The following ITGA8 variants were observed in gnomAD, a reference collection of about 807,000 sequenced individuals.
The protein encoded by ITGA8 is integrin alpha-8.
Under a neutral mutation model 142.3 loss-of-function variants are expected in ITGA8, and 91 were observed. That is an observed-to-expected ratio of 0.64 (90% CI 0.54 to 0.76). The LOEUF (loss-of-function observed/expected upper bound fraction) is 0.76. Ranked by LOEUF, ITGA8 falls within the 30% of genes least tolerant of loss-of-function variation. ITGA8 has a pLI of 0.00. For missense variants in ITGA8, 1,406 were observed against 1,327.7 expected, an observed-to-expected ratio of 1.06 and a Z score of -0.92; for synonymous variants, 505 against 485.2, an observed-to-expected ratio of 1.04 and a Z score of -0.54.
At chr10:15,666,047 C>T (rs1834385645) in intron 8 of ITGA8, among the ~76,000 whole-genome samples, 1 of 152,156 alleles carries the variant, frequency 6.6e-6, no homozygotes, top group Non-Finnish European at 1.5e-5. Flanking sequence ...TTTTCCAATT[C>T]TGTGAAGAAA....
At chr10:15,637,513 T>G (rs897604521) in intron 13 of ITGA8, among the ~76,000 whole-genome samples, 1 of 143,464 alleles carries the variant, frequency 7.0e-6, no homozygotes, top group Non-Finnish European at 1.6e-5. Flanking sequence ...AATTTTTTTT[T>G]TTTTTTTTTG....
chr10:15,682,189 A>G lies in ITGA8; in HGVS notation c.568+1815T>C, dbSNP rs142912231. 5.2e-3 allele frequency among the ~76,000 whole-genome samples: 799 copies of G among 152,218 alleles called. 13 individuals are homozygous for G. The highest frequency in any genetic ancestry group is 0.019 in the African/African-American group (774 of 41,526). On this transcript the variant is annotated intron_variant, in intron 4 of 29. Transcript: ENST00000378076. ...TTCTCGTCTTGCTGTATTTTTTTGT[A>G]GCACTTTTCACTGCCTGACATTGCA...
intron 23 of ITGA8, among the ~76,000 whole-genome samples, chr10:15,583,306 T>A (rs989498928): frequency 6.6e-6 from 1 of 151,826 alleles, no homozygotes; most frequent in South Asian, 2.1e-4. Flanking sequence ...AAGTGGGAGT[T>A]GAACAATGAG....
intron 2 of ITGA8, among the ~76,000 whole-genome samples, chr10:15,710,262 C>A (rs1236167838): frequency 6.6e-6 from 1 of 151,866 alleles, no homozygotes; most frequent in Non-Finnish European, 1.5e-5. Flanking sequence ...TTTTATTTAC[C>A]ACTGAAACAC....
intron 20 of ITGA8, among the ~76,000 whole-genome samples, chr10:15,597,821 G>A (rs910945966): frequency 6.6e-6 from 1 of 152,326 alleles, no homozygotes; most frequent in South Asian, 2.1e-4. Context: ...CAGATGTAAA[G>A]AGAATACCTT....
chr10:15,647,859 A>G (rs1168026202), intron 11 of ITGA8, among the ~76,000 whole-genome samples: 1 of 152,232 alleles, frequency 6.6e-6, no homozygotes, highest in Non-Finnish European at 1.5e-5. Context: ...TTAGAGAGGT[A>G]TATCAAGCTG....
chr10:15,597,158 T>G, intron 21 of ITGA8, 49 bp downstream of exon 21: 1 of 1,429,880 alleles, frequency 7.0e-7, no homozygotes. Context: ...TTGTTCCCTG[T>G]GAAGTCCAGT....
rs147926217 is a variant in ITGA8 at position 15,699,988 on chromosome 10, A to C, written c.344-11950T>G. Among the ~76,000 whole-genome samples, 171 of 152,062 alleles carry C rather than the reference A, an allele frequency of 1.1e-3. 2 individuals are homozygous for C. The highest frequency in any genetic ancestry group is 2.9e-3 in the Admixed American group (44 of 15,280). ...AAGTGCCAGTTTATATTCTTTGCTC[A>C]TTCTCTTGTTTAGTTATTAGTTTCA... On this transcript the variant is annotated intron_variant, in intron 2 of 29. Coordinates refer to ENST00000378076, the MANE Select transcript of ITGA8 (RefSeq NM_003638.3).
chr10:15,691,749 T>C (rs72781821), intron 2 of ITGA8, among the ~76,000 whole-genome samples: 15,812 of 152,076 alleles, frequency 0.1, 896 homozygotes, highest in East Asian at 0.18. Flanking sequence ...AAAGTTTCAG[T>C]TGGGATGAGT....
At chr10:15,671,680 A>G in intron 7 of ITGA8, 33 bp from the exon 8 acceptor site, 1 of 1,536,712 alleles carries the variant, frequency 6.5e-7, no homozygotes, top group South Asian at 1.1e-5. Flanking sequence ...AACTAATCAC[A>G]CTTAATGACT....
intron 21 of ITGA8, among the ~76,000 whole-genome samples, chr10:15,594,193 TC>T (rs1832975837): frequency 2.0e-5 from 3 of 152,016 alleles, no homozygotes; most frequent in African/African-American, 7.3e-5. Flanking sequence ...GGCTCTTCTC[TC>T]CTTTTTAGAA....
chr10:15,640,763 C>T (rs1290204240), intron 13 of ITGA8, among the ~76,000 whole-genome samples: 1 of 152,156 alleles, frequency 6.6e-6, no homozygotes, highest in East Asian at 1.9e-4. Flanking sequence ...TGTCTGAGTC[C>T]TAACAGTGGC....
chr10:15,634,644 A>G (rs1012556145), intron 13 of ITGA8, among the ~76,000 whole-genome samples: 1 of 152,190 alleles, frequency 6.6e-6, no homozygotes, highest in African/African-American at 2.4e-5. Flanking sequence ...ATGGATAACA[A>G]TCTCTTGAAT....
intron 24 of ITGA8, 49 bp downstream of exon 24, chr10:15,575,440 G>C (rs781526873): frequency 8.2e-7 from 1 of 1,225,032 alleles, no homozygotes; most frequent in Non-Finnish European, 1.2e-6. Flanking sequence ...TATTTGCACA[G>C]AGCTTAAGAA....
At chr10:15,688,081 G>T in intron 2 of ITGA8, 43 bp from the exon 3 acceptor site, 2 of 1,292,628 alleles carry the variant, frequency 1.5e-6, no homozygotes, top group Non-Finnish European at 2.3e-6. Flanking sequence ...GTAAAATGTG[G>T]CAGCCAATTA....
chr10:15,561,674 C>T (rs1833984522), intron 25 of ITGA8, among the ~76,000 whole-genome samples: 1 of 152,018 alleles, frequency 6.6e-6, no homozygotes, highest in Non-Finnish European at 1.5e-5. Context: ...ACTTGATGTA[C>T]CAAAGTTAAT....
At chr10:15,528,830 C>T (rs1833230989) in intron 28 of ITGA8, among the ~76,000 whole-genome samples, 1 of 152,070 alleles carries the variant, frequency 6.6e-6, no homozygotes, top group East Asian at 1.9e-4. Flanking sequence ...ACACAGAGGA[C>T]ATCACTGGAA....
intron 15 of ITGA8, among the ~76,000 whole-genome samples, chr10:15,612,064 A>G (rs376900154): frequency 1.3e-5 from 2 of 152,186 alleles, no homozygotes; most frequent in Admixed American, 6.5e-5. Flanking sequence ...ATGCAGGGGT[A>G]AGGATAAACG....
rs547750142 is a variant in ITGA8 at position 15,586,130 on chromosome 10, C to T, written c.2372+454G>A. Among the ~76,000 whole-genome samples, 3 of 136,858 alleles carry T rather than the reference C, an allele frequency of 2.2e-5. No individual in the cohort carries two copies. In the South Asian group the frequency reaches 7.0e-4, roughly 32 times the overall value. The allele number at this position is 136,858 out of a possible 152,430, so 89.8% of individuals were successfully genotyped here. A position where few individuals can be genotyped will look rare whatever the true frequency, so the allele number is the denominator to read the frequency against. On this transcript the variant is annotated intron_variant, in intron 23 of 29. Transcript: ENST00000378076. ...CTGGAGTGCAATGGCACGATCTTGG[C>T]TCACTGCAACCTCTGCCTCCCGGGT...
Sources: allele counts gnomAD v4.1 joint callset (sites outside exome capture counted in the v4.1 genomes callset), GRCh38; gene constraint gnomAD v4.1.1; transcripts MANE v1.5; gene names NCBI Gene and HGNC (gene_info 2026-07-23, HGNC 2026-07-21).